The following CREBBP variants were observed in gnomAD, a reference collection of about 807,000 sequenced individuals.
CREBBP encodes CREB-binding protein.
In CREBBP, 19 loss-of-function variants were observed where a neutral mutation model predicts 265.0. The ratio of observed to expected loss-of-function variants is 0.07; its 90% CI spans 0.05 to 0.11. The LOEUF (loss-of-function observed/expected upper bound fraction) is 0.11. CREBBP is among the 10% of genes least tolerant of loss of function. The pLI, the probability that CREBBP is intolerant of heterozygous loss-of-function variation, is 1.00. For missense variants in CREBBP, 2,525 were observed against 3,219.0 expected (o/e 0.78, Z 5.22); for synonymous variants, 1,457 against 1,223.7 (o/e 1.19, Z -3.98).
chr16:3,876,722 G>C (rs968740428), intron 1 of CREBBP, among the ~76,000 whole-genome samples: 1 of 152,048 alleles, frequency 6.6e-6, no homozygotes, highest in African/African-American at 2.4e-5. Context: ...GCCTCTCCAG[G>C]GCTGCTGCTT....
At position 3,827,907 on chromosome 16, in the gene CREBBP, G is replaced by C. The variant is rs1364219597; in HGVS notation, c.799-17128C>G. ...GAGTCTCACTGTGTTGCCCACACTG[G>C]TCTCAACCTCCTTGGCTCAAGCAAT... is the stretch of plus-strand genomic sequence containing the variant. On this transcript the variant is annotated intron_variant, in intron 2 of 30. Transcript: ENST00000262367. Among the ~76,000 whole-genome samples the C allele has an allele frequency of 2.0e-5, 3 of 151,956 alleles. No homozygotes were observed. The East Asian group carries it at 5.8e-4, about 29-fold the overall frequency.
chr16:3,837,724 T>G (rs2054484315), intron 2 of CREBBP, among the ~76,000 whole-genome samples: 1 of 152,006 alleles, frequency 6.6e-6, no homozygotes, highest in Admixed American at 6.5e-5. Context: ...GTGTTTAGTG[T>G]TTTAAGCTAA....
At chr16:3,801,059 C>A (rs561281011) in intron 3 of CREBBP, among the ~76,000 whole-genome samples, 1 of 152,234 alleles carries the variant, frequency 6.6e-6, no homozygotes, top group Non-Finnish European at 1.5e-5. Context: ...CACACATCCC[C>A]GAGGGAAGAG....
In CREBBP at chr16:3,780,783, C is replaced by A. The variant is rs1184726260; in HGVS notation, c.1772G>T (p.Gly591Val). 1 of 1,614,016 alleles carries A rather than the reference C, an allele frequency of 6.2e-7. No individual in the cohort carries two copies. Among genetic ancestry groups the A allele is most frequent in the Non-Finnish European group, 8.5e-7 (1 of 1,180,014 alleles). ...APPSSTGVRK[G>V]WHEHVTQDLR... is the part of the protein sequence containing the mutation. ...GTCCTGAGTGACATGTTCGTGCCAG[C>A]CTTTCCTTACACCGGTGCTAGAAGG... Residue 591 changes from glycine (G) to valine (V), a missense_variant, in exon 8 of 31, where the codon GGC (glycine) becomes GTC (valine). Transcript: ENST00000262367.
Position 3,749,615 on chromosome 16 carries a change from C to T in CREBBP, c.3836+12G>A, listed in dbSNP as rs2151367860. 1 of 1,581,720 alleles carries T rather than the reference C, an allele frequency of 6.3e-7. No individual in the cohort carries two copies. Among genetic ancestry groups the T allele is most frequent in the Non-Finnish European group, 8.7e-7 (1 of 1,151,366 alleles). On this transcript the variant is annotated intron_variant, in intron 21 of 30. Coordinates refer to ENST00000262367, the MANE Select transcript of CREBBP (RefSeq NM_004380.3). ...AAAACTGAAAGTAAAAAAGAAATAG[C>T]TATATACTTACGGTTCGGGGTCTAA... is the stretch of plus-strand genomic sequence containing the variant.
At chr16:3,843,783 A>C (rs2054610743) in intron 2 of CREBBP, among the ~76,000 whole-genome samples, 1 of 152,082 alleles carries the variant, frequency 6.6e-6, no homozygotes, top group South Asian at 2.1e-4. Context: ...CATCACTGTA[A>C]GGGTGAAGTC....
At chr16:3,861,668 AAAG>A (rs1263388141) in intron 1 of CREBBP, among the ~76,000 whole-genome samples, 4 of 151,492 alleles carry the variant, frequency 2.6e-5, no homozygotes, top group African/African-American at 7.3e-5. Context: ...AAAAAAAAAA[AAAG>A]AAAGAGAAAA....
At chr16:3,798,196 A>C (rs2053644259) in intron 3 of CREBBP, among the ~76,000 whole-genome samples, 1 of 152,246 alleles carries the variant, frequency 6.6e-6, no homozygotes, top group Admixed American at 6.5e-5. Context: ...TGGAGCAAAC[A>C]CTTCAACGTA....
At chr16:3,849,475 G>GACCT (rs2054776688) in intron 2 of CREBBP, among the ~76,000 whole-genome samples, 1 of 124,208 alleles carries the variant, frequency 8.1e-6, no homozygotes, top group Non-Finnish European at 1.7e-5. Flanking sequence ...GTGTGTGTGT[G>GACCT]TGTGTGTGTG....
In CREBBP at chr16:3,757,803, C is replaced by T. The variant is rs778075129; in HGVS notation, c.3609+6G>A. The stretch of plus-strand genomic sequence containing the variant: ...ATTCACTTTCCGGAAAAACTTAAAA[C>T]TGTACCTTGCGTCCACAGCAATATC... On this transcript the variant is annotated splice_donor_region_variant and intron_variant, in intron 18 of 30. Coordinates refer to ENST00000262367, the MANE Select transcript of CREBBP (RefSeq NM_004380.3). The T allele has an allele frequency of 1.9e-6, 3 of 1,613,932 alleles. No homozygotes were observed. The highest frequency in any genetic ancestry group is 2.5e-6 in the Non-Finnish European group (3 of 1,180,046).
chr16:3,825,403 A>C (rs724464), intron 2 of CREBBP, among the ~76,000 whole-genome samples: 4,599 of 152,270 alleles, frequency 0.03, 234 homozygotes, highest in African/African-American at 0.1. Flanking sequence ...ATTCTTATCC[A>C]AAAATATGTA....
At chr16:3,758,141 A>G (rs2052630681) in intron 17 of CREBBP, 93 bp from the exon 18 acceptor site, 3 of 1,353,284 alleles carry the variant, frequency 2.2e-6, no homozygotes, top group Non-Finnish European at 3.1e-6. Context: ...TAATAGAAAC[A>G]GAAAGCACCA....
intron 6 of CREBBP, 47 bp downstream of exon 6, chr16:3,782,637 G>C: frequency 6.2e-7 from 1 of 1,609,778 alleles, no homozygotes; most frequent in South Asian, 1.1e-5. Flanking sequence ...CATTCCCTTT[G>C]CTGCATGTGG....
At chr16:3,753,419 A>G (rs1347093787) in intron 19 of CREBBP, among the ~76,000 whole-genome samples, 1 of 152,250 alleles carries the variant, frequency 6.6e-6, no homozygotes, top group Non-Finnish European at 1.5e-5. Context: ...GTTGATGAGG[A>G]ACATGACAGA....
chr16:3,836,373 G>A (rs1353806604), intron 2 of CREBBP, among the ~76,000 whole-genome samples: 1 of 150,478 alleles, frequency 6.6e-6, no homozygotes, highest in Non-Finnish European at 1.5e-5. Flanking sequence ...GGTGGAGGTT[G>A]CAGTGAGCCG....
At chr16:3,841,202 T>G (rs1260756462) in intron 2 of CREBBP, among the ~76,000 whole-genome samples, 1 of 152,134 alleles carries the variant, frequency 6.6e-6, no homozygotes, top group African/African-American at 2.4e-5. Flanking sequence ...TGAACGTATC[T>G]GAATAACTTC....
At chr16:3,769,461 G>T in intron 14 of CREBBP, 108 bp from the exon 15 acceptor site, 1 of 1,349,188 alleles carries the variant, frequency 7.4e-7, no homozygotes. Context: ...TCTCAATACT[G>T]ATCCAGCAGG....
At chr16:3,765,968 G>T (rs371300505) in intron 16 of CREBBP, among the ~76,000 whole-genome samples, 1 of 152,066 alleles carries the variant, frequency 6.6e-6, no homozygotes, top group African/African-American at 2.4e-5. Context: ...CTGAGATTAC[G>T]GGTGTGAGCC....
intron 1 of CREBBP, among the ~76,000 whole-genome samples, chr16:3,863,890 C>A (rs985849389): frequency 1.3e-5 from 2 of 152,314 alleles, no homozygotes; most frequent in South Asian, 2.1e-4. Flanking sequence ...AGCCCCTGCA[C>A]GTTAGCCCAA....
Sources: allele counts gnomAD v4.1 joint callset (sites outside exome capture counted in the v4.1 genomes callset), GRCh38; gene constraint gnomAD v4.1.1; transcripts MANE v1.5; gene names NCBI Gene and HGNC (gene_info 2026-07-23, HGNC 2026-07-21).